TCF7L2: variants seen among roughly 807,000 people sequenced by gnomAD.
TCF7L2 encodes transcription factor 7 like 2, also known as transcription factor 7-like 2.
Under a neutral mutation model 77.9 loss-of-function variants are expected in TCF7L2, and 23 were observed. That is an observed-to-expected ratio of 0.30 (90% CI 0.21 to 0.42). The LOEUF (loss-of-function observed/expected upper bound fraction) is 0.42, where lower values mean the gene tolerates loss of function less well. Ranked by LOEUF, TCF7L2 falls within the 10% of genes least tolerant of loss-of-function variation. The pLI is 1.00. For synonymous variants in TCF7L2, 413 were observed against 340.2 expected (o/e 1.21, Z -2.36); for missense variants, 654 against 793.1 (o/e 0.82, Z 2.11).
At chr10:112,954,244 C>T (rs1348488318) in intron 3 of TCF7L2, among the ~76,000 whole-genome samples, 2 of 152,076 alleles carry the variant, frequency 1.3e-5, no homozygotes, top group African/African-American at 4.8e-5. Flanking sequence ...TATTATTTTC[C>T]CTTTGCTCCT....
rs201460379 is a variant in TCF7L2, at chr10:113,165,672, T to G, written c.1509T>G (p.Pro503=). The G allele has an allele frequency of 1.9e-4, 248 of 1,310,136 alleles. 2 individuals carry two copies. The East Asian group carries it at 0.01, about 55-fold the overall frequency. 81.2% of individuals were successfully genotyped at this position (1,310,136 alleles called of 1,614,324 possible). A position where few individuals can be genotyped will look rare whatever the true frequency, so the allele number is the denominator to read the frequency against. Residue 503 remains proline, a synonymous_variant, in exon 14 of 14, where the codon CCT becomes CCG. Coordinates refer to ENST00000627217, the MANE Select transcript of TCF7L2 (RefSeq NM_001146274.2). ...CCTCCCCGAACCTGCTAGGCTCCCC[T>G]CCCCGAGACGCCAAGTCACAGACTG... is the stretch of plus-strand genomic sequence containing the variant.
At chr10:113,096,192 C>T (rs2060951050) in intron 5 of TCF7L2, among the ~76,000 whole-genome samples, 1 of 152,156 alleles carries the variant, frequency 6.6e-6, no homozygotes, top group African/African-American at 2.4e-5. Context: ...GTGGTTTTGA[C>T]TTATCTGCCT....
chr10:112,961,910 T>TGTGA (rs2035361407), intron 3 of TCF7L2, among the ~76,000 whole-genome samples: 3 of 148,392 alleles, frequency 2.0e-5, no homozygotes, highest in African/African-American at 5.0e-5. Context: ...TGTGTGTGTG[T>TGTGA]GAGAGAGAGA....
intron 4 of TCF7L2, among the ~76,000 whole-genome samples, chr10:113,026,594 A>T (rs2133976781): frequency 6.6e-6 from 1 of 152,100 alleles, no homozygotes; most frequent in East Asian, 1.9e-4. Flanking sequence ...GACATTCCTT[A>T]GTTCTTATCC....
At position 113,111,801 on chromosome 10, in the gene TCF7L2, A is replaced by AAATAAAT. The variant is rs1555075769; in HGVS notation, c.553-29381_553-29380insTAAATAA. 1.0e-3 allele frequency among the ~76,000 whole-genome samples: 153 copies of AAATAAAT among 150,486 alleles called. 1 individual carries two copies. The highest frequency in any genetic ancestry group is 3.5e-3 in the Middle Eastern group (1 of 288). ...AGTGACACCTTTTCTTTAAATAAAT[A>AAATAAAT]AAATAAATAAATAAATAAAATTATT... On this transcript the variant is annotated intron_variant, in intron 5 of 13. Coordinates refer to ENST00000627217, the MANE Select transcript of TCF7L2 (RefSeq NM_001146274.2).
chr10:113,124,379 T>C (rs980004442), intron 5 of TCF7L2, among the ~76,000 whole-genome samples: 1 of 152,112 alleles, frequency 6.6e-6, no homozygotes, highest in East Asian at 1.9e-4. Flanking sequence ...TCAGTGGCCA[T>C]TACAGCTTTA....
intron 4 of TCF7L2, among the ~76,000 whole-genome samples, chr10:113,014,841 C>G (rs1415557959): frequency 2.6e-5 from 4 of 152,002 alleles, no homozygotes; most frequent in Non-Finnish European, 5.9e-5. Context: ...TCCTTCTGTC[C>G]TTTATGGGAG....
intron 4 of TCF7L2, among the ~76,000 whole-genome samples, chr10:113,015,240 C>T (rs186694317): frequency 1.7e-4 from 26 of 152,334 alleles, no homozygotes; most frequent in Middle Eastern, 3.4e-3. Context: ...AATCCCATTC[C>T]TCTGCTGTCT....
intron 5 of TCF7L2, among the ~76,000 whole-genome samples, chr10:113,055,005 T>G (rs2055138327): frequency 6.6e-6 from 1 of 152,224 alleles, no homozygotes; most frequent in African/African-American, 2.4e-5. Context: ...AGCTTTCTAT[T>G]TCTGTATTGA....
At chr10:113,013,994 G>T (rs537168462) in intron 4 of TCF7L2, among the ~76,000 whole-genome samples, 1 of 152,208 alleles carries the variant, frequency 6.6e-6, no homozygotes, top group African/African-American at 2.4e-5. Context: ...TTTTTATGTT[G>T]GGGGGTATTG....
chr10:113,144,904 T>G (rs2069058305), intron 7 of TCF7L2, among the ~76,000 whole-genome samples: 2 of 152,234 alleles, frequency 1.3e-5, no homozygotes, highest in South Asian at 4.1e-4. Flanking sequence ...GTTTCGTGAT[T>G]GTTTCTGTGG....
chr10:112,950,511 G>A lies in TCF7L2; in HGVS notation c.-246G>A, dbSNP rs2030677053. On this transcript the variant is annotated 5_prime_UTR_variant, in exon 1 of 14. Transcript: ENST00000627217. ...TTTTTTGCACATTGATCGGATCCTTGGGAACGAGAGAAAAAAGAAACCCAA... is the reference window on the plus strand; with the variant it reads ...TTTTTTGCACATTGATCGGATCCTTAGGAACGAGAGAAAAAAGAAACCCAA... 7.5e-6 allele frequency: 3 copies of A among 402,152 alleles called. No individual in the cohort carries two copies. The highest frequency in any genetic ancestry group is 9.4e-5 in the Admixed American group (2 of 21,294). 24.9% of individuals were successfully genotyped at this position (402,152 alleles called of 1,614,324 possible). A position where few individuals can be genotyped will look rare whatever the true frequency, so the allele number is the denominator to read the frequency against.
At chr10:113,104,873 GT>G (rs1811213615) in intron 5 of TCF7L2, among the ~76,000 whole-genome samples, 1 of 152,170 alleles carries the variant, frequency 6.6e-6, no homozygotes, top group African/African-American at 2.4e-5. Context: ...GGCTTAAACA[GT>G]TCCTCGAAGT....
At chr10:113,103,017 C>CATTT (rs1347263441) in intron 5 of TCF7L2, among the ~76,000 whole-genome samples, 1 of 152,330 alleles carries the variant, frequency 6.6e-6, no homozygotes, top group East Asian at 1.9e-4. Flanking sequence ...TATATTAACT[C>CATTT]ATTTAATCTG....
chr10:113,158,784 A>G (rs1002356753), intron 12 of TCF7L2, 67 bp downstream of exon 13: 1 of 1,509,870 alleles, frequency 6.6e-7, no homozygotes. Context: ...TTGCCATTAT[A>G]GTTTTATTAA....
intron 5 of TCF7L2, among the ~76,000 whole-genome samples, chr10:113,059,333 GTCC>G (rs1356099672): frequency 1.3e-5 from 2 of 151,662 alleles, no homozygotes; most frequent in Non-Finnish European, 2.9e-5. Flanking sequence ...ACTTGTTCAG[GTCC>G]TCCTCCCACC....
chr10:113,007,866 C>T (rs2045833432), intron 4 of TCF7L2, among the ~76,000 whole-genome samples: 1 of 152,140 alleles, frequency 6.6e-6, no homozygotes, highest in Non-Finnish European at 1.5e-5. Flanking sequence ...TTGCTATCTG[C>T]CTGCCTTTTG....
intron 5 of TCF7L2, among the ~76,000 whole-genome samples, chr10:113,097,417 CCA>C (rs2061120133): frequency 6.6e-6 from 1 of 152,094 alleles, no homozygotes; most frequent in African/African-American, 2.4e-5. Flanking sequence ...CTTTGGGAAG[CCA>C]AGGCGGGTGA....
chr10:113,136,746 G>A (rs765361683), intron 5 of TCF7L2, among the ~76,000 whole-genome samples: 4 of 152,176 alleles, frequency 2.6e-5, no homozygotes, highest in Non-Finnish European at 5.9e-5. Flanking sequence ...ACTACCCCAT[G>A]GATAGTTGCT....
Sources: allele counts gnomAD v4.1 joint callset (sites outside exome capture counted in the v4.1 genomes callset), GRCh38; gene constraint gnomAD v4.1.1; transcripts MANE v1.5; gene names NCBI Gene and HGNC (gene_info 2026-07-23, HGNC 2026-07-21).